The following ZNF503 variants were observed in gnomAD, a reference collection of about 807,000 sequenced individuals.
ZNF503 encodes zinc finger protein 503.
In ZNF503, 15 loss-of-function variants were observed where a neutral mutation model predicts 34.4. The ratio of observed to expected loss-of-function variants is 0.44; its 90% CI spans 0.29 to 0.67. The LOEUF is 0.67. Ranked by LOEUF, ZNF503 falls within the 30% of genes least tolerant of loss-of-function variation. ZNF503 has a pLI of 0.13. For synonymous variants in ZNF503, 580 were observed against 456.8 expected, an observed-to-expected ratio of 1.27 and a Z score of -3.44; for missense variants, 1,007 against 926.8, an observed-to-expected ratio of 1.09 and a Z score of -1.12.
chr10:75,350,012 A>G, the ZNF503 span, among the ~76,000 whole-genome samples: 603 of 152,336 alleles, frequency 4.0e-3, 7 homozygotes, highest in African/African-American at 0.014. Context: ...CCTGATATAG[A>G]CAACATTAAG....
chr10:75,284,507 T>C, the ZNF503 span, among the ~76,000 whole-genome samples: 1 of 152,066 alleles, frequency 6.6e-6, no homozygotes, highest in Non-Finnish European at 1.5e-5. Context: ...AAAAATTCTC[T>C]CAACCCCTAC....
chr10:75,309,763 T>C, the ZNF503 span, among the ~76,000 whole-genome samples: 1 of 152,110 alleles, frequency 6.6e-6, no homozygotes, highest in South Asian at 2.1e-4. Context: ...ATGACTATAT[T>C]TTTTATTTTG....
chr10:75,400,984 C>A, intron 1 of ZNF503, 121 bp downstream of exon 1: 1 of 1,411,726 alleles, frequency 7.1e-7, no homozygotes, highest in South Asian at 1.3e-5. Context: ...TAGCCTCTTC[C>A]CCCATTCGGG....
chr10:75,401,214 G>C lies in ZNF503; in HGVS notation c.206C>G (p.Ala69Gly), dbSNP rs2131991956. ...AVPPSDPLRQ[A>G]NRLPIKVLKM... ...CAGCACCTTGATTGGCAGGCGGTTG[G>C]CCTGGCGCAGGGGGTCAGAGGGGGG... is the stretch of plus-strand genomic sequence containing the variant. The change falls in exon 1 of 2, where the codon GCC becomes GGC. Residue 69 changes from alanine to glycine, a missense_variant. Coordinates refer to ENST00000372524, the MANE Select transcript of ZNF503 (RefSeq NM_032772.6). The C allele has an allele frequency of 5.0e-6, 8 of 1,608,028 alleles. No homozygotes were observed. The Middle Eastern group carries it at 9.9e-4, about 200-fold the overall frequency.
chr10:75,401,177 C>A lies in ZNF503; in HGVS notation c.243G>T (p.Thr81=). The A allele has an allele frequency of 1.9e-6, 3 of 1,610,926 alleles. No individual in the cohort carries two copies. The highest frequency in any genetic ancestry group is 1.7e-4 in the Middle Eastern group (1 of 6,040). ...RLPIKVLKML[T]ARTGHILHPE... is the part of the protein sequence containing the mutation. ...GGTGCAAAATGTGGCCAGTTCGTGC[C>A]GTCAGCATCTTCAGCACCTTGATTG... The change falls in exon 1 of 2, where the codon ACG becomes ACT. Residue 81 remains threonine, a synonymous_variant. Transcript: ENST00000372524.
downstream of ZNF503, among the ~76,000 whole-genome samples, chr10:75,397,090 G>C (rs1843709120): frequency 6.6e-6 from 1 of 152,166 alleles, no homozygotes; most frequent in Admixed American, 6.5e-5. Context: ...GTCCTGGCCG[G>C]GCGGGCTCTC....
the ZNF503 span, among the ~76,000 whole-genome samples, chr10:75,338,767 A>T: frequency 1.3e-3 from 203 of 152,318 alleles, no homozygotes; most frequent in Non-Finnish European, 2.1e-3. Flanking sequence ...TGCCTGTGGG[A>T]ATCATCCATT....
the ZNF503 span, among the ~76,000 whole-genome samples, chr10:75,323,875 A>T: frequency 6.6e-6 from 1 of 151,116 alleles, no homozygotes; most frequent in Non-Finnish European, 1.5e-5. Flanking sequence ...GGTGGTGTGC[A>T]CCTGTAATCC....
chr10:75,397,575 T>C (rs1404924676), downstream of ZNF503, among the ~76,000 whole-genome samples: 5 of 150,834 alleles, frequency 3.3e-5, no homozygotes, highest in Non-Finnish European at 5.9e-5. Flanking sequence ...CAAGAGAAAA[T>C]TGAAATAAAA....
the ZNF503 span, among the ~76,000 whole-genome samples, chr10:75,349,662 G>T: frequency 6.6e-6 from 1 of 152,156 alleles, no homozygotes; most frequent in African/African-American, 2.4e-5. Flanking sequence ...CATTGCAGCC[G>T]ACTACTGTAG....
At chr10:75,341,901 G>A in the ZNF503 span, among the ~76,000 whole-genome samples, 2 of 152,158 alleles carry the variant, frequency 1.3e-5, no homozygotes, top group Admixed American at 6.5e-5. Flanking sequence ...GAATTAGGAT[G>A]TTTGGGGCTG....
At chr10:75,342,917 G>A in the ZNF503 span, among the ~76,000 whole-genome samples, 2 of 152,082 alleles carry the variant, frequency 1.3e-5, no homozygotes, top group African/African-American at 2.4e-5. Flanking sequence ...AAAGACAAAC[G>A]GTCACTTAAA....
the ZNF503 span, among the ~76,000 whole-genome samples, chr10:75,311,426 A>G: frequency 3.3e-5 from 5 of 152,206 alleles, no homozygotes; most frequent in East Asian, 1.9e-4. Flanking sequence ...TTGACACTCA[A>G]TATTAACCAT....
At chr10:75,400,992 G>C in intron 1 of ZNF503, 113 bp downstream of exon 1, 4 of 1,459,056 alleles carry the variant, frequency 2.7e-6, no homozygotes, top group Non-Finnish European at 3.7e-6. Flanking sequence ...TCCCCCATTC[G>C]GGAGCTGAAT....
chr10:75,287,379 G>T, the ZNF503 span, among the ~76,000 whole-genome samples: 2 of 152,082 alleles, frequency 1.3e-5, no homozygotes, highest in Non-Finnish European at 1.5e-5. Context: ...AGTTGCTGCT[G>T]TCCCCTGGTC....
At chr10:75,336,596 C>T in the ZNF503 span, among the ~76,000 whole-genome samples, 25,404 of 152,100 alleles carry the variant, frequency 0.17, 2,554 homozygotes, top group Non-Finnish European at 0.22. Flanking sequence ...AAAACAACAC[C>T]GGTTTATTAT....
rs1449154689 is a variant in ZNF503, at chr10:75,399,478, G to A, written c.1212C>T (p.Cys404=). 1 of 1,578,936 alleles carries A rather than the reference G, an allele frequency of 6.3e-7. No individual in the cohort carries two copies. Residue 404 remains cysteine, a synonymous_variant, in exon 2 of 2, where the codon TGC becomes TGT. Coordinates refer to ENST00000372524, the MANE Select transcript of ZNF503 (RefSeq NM_032772.6). ...LAAAAAGSLG[C]SKPAGSSPLA... ...AAGGGCTGGAGCCGGCCGGCTTACT[G>A]CAGCCCAGAGACCCGGCCGCGGCCG... is the stretch of plus-strand genomic sequence containing the variant.
chr10:75,298,463 G>A, the ZNF503 span, among the ~76,000 whole-genome samples: 72 of 152,150 alleles, frequency 4.7e-4, no homozygotes, highest in African/African-American at 1.5e-3. Flanking sequence ...GGCCTTTAAC[G>A]CCTGGCTTCT....
At chr10:75,303,190 G>A in the ZNF503 span, among the ~76,000 whole-genome samples, 58 of 152,182 alleles carry the variant, frequency 3.8e-4, no homozygotes, top group Non-Finnish European at 6.6e-4. Context: ...ACAGGCTTGG[G>A]CAATGCCCCT....
Sources: allele counts gnomAD v4.1 joint callset (sites outside exome capture counted in the v4.1 genomes callset), GRCh38; gene constraint gnomAD v4.1.1; transcripts MANE v1.5; gene names NCBI Gene and HGNC (gene_info 2026-07-23, HGNC 2026-07-21).